The following DACH2 variants were observed in gnomAD, a reference collection of about 807,000 sequenced individuals.
DACH2 encodes the protein dachshund homolog 2.
In DACH2, 17 loss-of-function variants were observed where a neutral mutation model predicts 35.8. The observed-to-expected ratio is 0.48, with a 90% CI of 0.33 to 0.71. The LOEUF (loss-of-function observed/expected upper bound fraction) is 0.71. Ranked by LOEUF, DACH2 falls within the 30% of genes least tolerant of loss-of-function variation. The probability of loss-of-function intolerance (pLI) is 0.02; values close to 1 mark genes in which losing one functional copy is unlikely to be tolerated. For missense variants in DACH2, 469 were observed against 472.7 expected (o/e 0.99, Z 0.07); for synonymous variants, 195 against 177.3 (o/e 1.10, Z -0.79).
chrX:86,697,766 G>T (rs1366224995), intron 5 of DACH2, among the ~76,000 whole-genome samples: 1 of 110,893 alleles, frequency 9.0e-6, no homozygotes, highest in African/African-American at 3.3e-5. Flanking sequence ...AATACACAGA[G>T]CCAAGGAAAG....
chrX:86,289,550 T>C (rs777886404), intron 1 of DACH2, among the ~76,000 whole-genome samples: 3 of 102,191 alleles, frequency 2.9e-5, no homozygotes, highest in South Asian at 1.0e-3. Flanking sequence ...TAGGTATATC[T>C]CCCAATGCTA....
chrX:86,509,558 T>C (rs983836739), intron 2 of DACH2, among the ~76,000 whole-genome samples: 2 of 111,666 alleles, frequency 1.8e-5, no homozygotes, highest in Non-Finnish European at 3.8e-5. Context: ...CAGTTTGCTG[T>C]GAGGTCAGAG....
At chrX:86,294,934 T>G (rs1002352788) in intron 1 of DACH2, among the ~76,000 whole-genome samples, 21 of 111,469 alleles carry the variant, frequency 1.9e-4, no homozygotes, top group Admixed American at 7.5e-4. Context: ...CTCCTTGAGC[T>G]GTGGTGGGCT....
Position 86,716,151 on chromosome X carries a change from A to G in DACH2, c.1104+1431A>G, listed in dbSNP as rs760028531. Among the ~76,000 whole-genome samples the G allele has an allele frequency of 1.3e-4, 14 of 111,705 alleles. No individual in the cohort carries two copies. The South Asian group carries it at 4.1e-3, about 33-fold the overall frequency. ...ACAAATTCCCTGGCAACAAAACTGC[A>G]CTTGTATCCCTGAATCAATAAAAAA... On this transcript the variant is annotated intron_variant, in intron 6 of 11. Transcript: ENST00000373125.
rs1454857005 is a variant in DACH2 at position 86,514,270 on chromosome X, T to C, written c.528-9T>C. 1 of 1,204,997 alleles carries C rather than the reference T, an allele frequency of 8.3e-7. No individual in the cohort carries two copies. Among genetic ancestry groups the C allele is most frequent in the South Asian group, 1.8e-5 (1 of 56,105 alleles). ...TAACCTTTATCTATATTTGTCTGTT[T>C]TTCAACAGTTCAAGACCCGGCAGGC... On this transcript the variant is annotated splice_polypyrimidine_tract_variant and intron_variant, in intron 2 of 11. Transcript: ENST00000373125.
chrX:86,324,277 C>A (rs1230442046), intron 1 of DACH2, among the ~76,000 whole-genome samples: 1 of 112,027 alleles, frequency 8.9e-6, no homozygotes, highest in African/African-American at 3.2e-5. Flanking sequence ...TGAATTGCTG[C>A]AATCTCATTT....
rs146865336 is a variant in DACH2, at chrX:86,219,667, G to T, written c.488+70559G>T. Among the ~76,000 whole-genome samples the T allele has an allele frequency of 8.5e-3, 946 of 111,256 alleles. 8 individuals are homozygous for T. Among genetic ancestry groups the T allele is most frequent in the East Asian group, 0.061 (214 of 3,537 alleles). ...ATTACATAGGTTGTCTTTTCACTCT[G>T]TTGATTGTTTCCTTTGATGTGCAAA... is the stretch of plus-strand genomic sequence containing the variant. On this transcript the variant is annotated intron_variant, in intron 1 of 11. Coordinates refer to ENST00000373125, the MANE Select transcript of DACH2 (RefSeq NM_053281.3).
At chrX:86,376,677 T>A in intron 1 of DACH2, 147 bp from the exon 2 acceptor site, 6 of 730,151 alleles carry the variant, frequency 8.2e-6, no homozygotes, top group Non-Finnish European at 9.4e-6. Flanking sequence ...TGGTGTTTCA[T>A]TGTGTGTAAC....
chrX:86,289,408 TTTTATTTA>T (rs201387197), intron 1 of DACH2, among the ~76,000 whole-genome samples: 1 of 107,941 alleles, frequency 9.3e-6, no homozygotes, highest in Non-Finnish European at 1.9e-5. Flanking sequence ...AGCAGGTTTC[TTTTATTTA>T]TTTATTTATT....
chrX:86,246,176 G>T (rs766295856), intron 1 of DACH2, among the ~76,000 whole-genome samples: 12 of 111,435 alleles, frequency 1.1e-4, no homozygotes, highest in African/African-American at 3.9e-4. Flanking sequence ...TTATATAAAG[G>T]GACCAATCAT....
At chrX:86,392,327 T>C (rs1051027977) in intron 2 of DACH2, among the ~76,000 whole-genome samples, 40 of 111,693 alleles carry the variant, frequency 3.6e-4, no homozygotes, top group Non-Finnish European at 1.1e-4. Flanking sequence ...TCTAGGAGTT[T>C]ATAATTTAGT....
chrX:86,262,122 G>GA (rs57531083), intron 1 of DACH2, among the ~76,000 whole-genome samples: 37,805 of 99,216 alleles, frequency 0.38, 7,162 homozygotes, highest in African/African-American at 0.68. Context: ...CTCTATAAAA[G>GA]AAAAAAAAAA....
chrX:86,319,349 C>T (rs750936294), intron 1 of DACH2, among the ~76,000 whole-genome samples: 3 of 111,889 alleles, frequency 2.7e-5, no homozygotes, highest in South Asian at 7.4e-4. Flanking sequence ...TAACTAAAAA[C>T]ATCTTTTACT....
chrX:86,621,609 C>A (rs140405170), intron 3 of DACH2, among the ~76,000 whole-genome samples: 1 of 111,223 alleles, frequency 9.0e-6, no homozygotes, highest in Non-Finnish European at 1.9e-5. Context: ...CAATTCTCTG[C>A]CTTATTACTT....
chrX:86,414,611 C>T (rs748235487), intron 2 of DACH2, among the ~76,000 whole-genome samples: 4 of 111,104 alleles, frequency 3.6e-5, no homozygotes, highest in South Asian at 7.7e-4. Flanking sequence ...TTTTGACCCT[C>T]CCAGCTGGAA....
intron 4 of DACH2, among the ~76,000 whole-genome samples, chrX:86,693,362 A>G (rs944073199): frequency 2.7e-5 from 3 of 112,058 alleles, no homozygotes; most frequent in African/African-American, 9.7e-5. Context: ...CAATCTTTAC[A>G]TATACTGTGC....
intron 11 of DACH2, among the ~76,000 whole-genome samples, chrX:86,817,505 C>T (rs1318271356): frequency 9.0e-6 from 1 of 111,452 alleles, no homozygotes; most frequent in Non-Finnish European, 1.9e-5. Context: ...GAACATTGAA[C>T]TTGATTGTGC....
chrX:86,715,430 A>G (rs762860078), intron 6 of DACH2, among the ~76,000 whole-genome samples: 10 of 111,251 alleles, frequency 9.0e-5, no homozygotes, highest in Non-Finnish European at 1.9e-4. Context: ...AGTTTGGCAT[A>G]TGGCTTTTCT....
At chrX:86,188,484 C>T (rs1307707312) in intron 1 of DACH2, among the ~76,000 whole-genome samples, 2 of 111,776 alleles carry the variant, frequency 1.8e-5, no homozygotes, top group Admixed American at 1.9e-4. Context: ...GTGGTTGGCT[C>T]CTCAAAGTTG....
Sources: allele counts gnomAD v4.1 joint callset (sites outside exome capture counted in the v4.1 genomes callset), GRCh38; gene constraint gnomAD v4.1.1; transcripts MANE v1.5; gene names NCBI Gene and HGNC (gene_info 2026-07-23, HGNC 2026-07-21).